The following MAPK10 variants were observed in gnomAD, a reference collection of about 807,000 sequenced individuals.
MAPK10 encodes the protein JNK3 alpha protein kinase.
A neutral mutation model predicts 59.3 loss-of-function variants in MAPK10; 25 were observed. The ratio of observed to expected loss-of-function variants is 0.42; its 90% CI spans 0.31 to 0.59. The LOEUF (loss-of-function observed/expected upper bound fraction) is 0.59, where lower values mean the gene tolerates loss of function less well. Among genes scored for constraint, MAPK10 ranks in the 20% least tolerant of loss-of-function variants. MAPK10 has a pLI of 0.15. For missense variants in MAPK10, 351 were observed against 568.9 expected, an observed-to-expected ratio of 0.62 and a Z score of 3.90; for synonymous variants, 190 against 200.5, an observed-to-expected ratio of 0.95 and a Z score of 0.44.
At chr4:86,206,252 G>C (rs1408004679) in intron 2 of MAPK10, among the ~76,000 whole-genome samples, 1 of 151,390 alleles carries the variant, frequency 6.6e-6, no homozygotes, top group East Asian at 1.9e-4. Flanking sequence ...GTGTCCGTGT[G>C]TTCGCATTGT....
At chr4:86,494,153 T>C (rs1366906507) in intron 1 of MAPK10, among the ~76,000 whole-genome samples, 2 of 152,316 alleles carry the variant, frequency 1.3e-5, no homozygotes, top group East Asian at 1.9e-4. Flanking sequence ...ATGTAGCCTA[T>C]ACCAGCTATT....
At chr4:86,500,239 C>T (rs1755206052) in intron 1 of MAPK10, among the ~76,000 whole-genome samples, 2 of 152,132 alleles carry the variant, frequency 1.3e-5, no homozygotes, top group South Asian at 4.1e-4. Flanking sequence ...TTAGGTCACA[C>T]AATAAGAATA....
intron 3 of MAPK10, among the ~76,000 whole-genome samples, chr4:86,180,148 T>G (rs1460283804): frequency 1.3e-5 from 2 of 151,374 alleles, no homozygotes; most frequent in Admixed American, 1.3e-4. Context: ...AACAACAAAA[T>G]CTGGATTATA....
At chr4:86,485,553 G>T (rs1055293653) in intron 1 of MAPK10, among the ~76,000 whole-genome samples, 3 of 152,158 alleles carry the variant, frequency 2.0e-5, no homozygotes, top group Non-Finnish European at 2.9e-5. Flanking sequence ...AGTTAAACAA[G>T]GAAGGAAATA....
intron 2 of MAPK10, among the ~76,000 whole-genome samples, chr4:86,351,054 T>C (rs567737291): frequency 1.3e-5 from 2 of 152,212 alleles, no homozygotes; most frequent in South Asian, 2.1e-4. Flanking sequence ...TTACCCTCCT[T>C]AGCAGTTGCT....
intron 1 of MAPK10, among the ~76,000 whole-genome samples, chr4:86,556,271 A>C (rs1335552575): frequency 1.3e-5 from 2 of 152,200 alleles, no homozygotes; most frequent in Non-Finnish European, 2.9e-5. Flanking sequence ...TACCCTAGTA[A>C]ATCAAATTCC....
chr4:86,292,658 G>T (rs527311686), intron 2 of MAPK10, among the ~76,000 whole-genome samples: 1 of 152,302 alleles, frequency 6.6e-6, no homozygotes, highest in Admixed American at 6.5e-5. Context: ...GTTTGAAGTT[G>T]CAGTAGCTAT....
chr4:86,185,656 T>C (rs535417842), intron 3 of MAPK10, among the ~76,000 whole-genome samples: 2 of 152,254 alleles, frequency 1.3e-5, no homozygotes, highest in Admixed American at 1.3e-4. Context: ...AAGCAAGAGA[T>C]AAGGGTATCT....
At position 86,074,427 on chromosome 4, in the gene MAPK10, T is replaced by C. The variant is rs1162875201; in HGVS notation, c.803-6472A>G. Among the ~76,000 whole-genome samples the C allele has an allele frequency of 5.9e-5, 9 of 151,488 alleles. No individual in the cohort carries two copies. The East Asian group carries it at 7.8e-4, about 13-fold the overall frequency. The stretch of plus-strand genomic sequence containing the variant: ...TAATATTGTTATGTGTGAATTTGAT[T>C]CTGTCATCATGATGTTAGCTGGTGA... On this transcript the variant is annotated intron_variant, in intron 9 of 13. Coordinates refer to ENST00000641462, the MANE Select transcript of MAPK10 (RefSeq NM_138982.4).
intron 1 of MAPK10, among the ~76,000 whole-genome samples, chr4:86,539,856 T>A (rs1565007097): frequency 6.6e-6 from 1 of 152,206 alleles, no homozygotes; most frequent in Non-Finnish European, 1.5e-5. Flanking sequence ...GTTACAATCT[T>A]AATTATAATA....
chr4:86,236,896 C>T (rs1469335840), intron 2 of MAPK10, among the ~76,000 whole-genome samples: 5 of 152,082 alleles, frequency 3.3e-5, no homozygotes, highest in African/African-American at 9.7e-5. Context: ...AAACGGGGTA[C>T]ATGTGCAGAA....
chr4:86,308,445 G>C (rs1202303501), intron 2 of MAPK10, among the ~76,000 whole-genome samples: 1 of 152,108 alleles, frequency 6.6e-6, no homozygotes, highest in African/African-American at 2.4e-5. Context: ...CTGAATTGCT[G>C]TCTTGAAGAT....
At chr4:86,333,345 C>A (rs1319437496) in intron 2 of MAPK10, among the ~76,000 whole-genome samples, 1 of 152,146 alleles carries the variant, frequency 6.6e-6, no homozygotes, top group Non-Finnish European at 1.5e-5. Context: ...CCTTTCCATG[C>A]CTTTTTTCCC....
At chr4:86,101,004 A>G in intron 8 of MAPK10, 48 bp downstream of exon 8, 1 of 1,555,286 alleles carries the variant, frequency 6.4e-7, no homozygotes, top group East Asian at 2.3e-5. Context: ...TACAACGTGC[A>G]CCCGTTTCAT....
chr4:86,419,041 C>T (rs1746184331), intron 1 of MAPK10, among the ~76,000 whole-genome samples: 1 of 152,138 alleles, frequency 6.6e-6, no homozygotes, highest in Non-Finnish European at 1.5e-5. Flanking sequence ...AAAGACTACA[C>T]ATTGGCTACA....
chr4:86,467,762 C>T (rs1237420603), intron 1 of MAPK10, among the ~76,000 whole-genome samples: 7 of 152,188 alleles, frequency 4.6e-5, no homozygotes, highest in Non-Finnish European at 7.3e-5. Flanking sequence ...TCGTGATCCG[C>T]GCACCTCGGC....
chr4:86,246,363 G>A (rs1169439657), intron 2 of MAPK10, among the ~76,000 whole-genome samples: 13 of 152,094 alleles, frequency 8.5e-5, no homozygotes, highest in East Asian at 3.9e-4. Context: ...CCCATGAGGC[G>A]GAGCTTGCAG....
chr4:86,184,879 A>G (rs2077797484), intron 3 of MAPK10, among the ~76,000 whole-genome samples: 1 of 152,172 alleles, frequency 6.6e-6, no homozygotes, highest in Non-Finnish European at 1.5e-5. Flanking sequence ...TCTTTATAGC[A>G]TCACAAGAAC....
chr4:86,410,530 C>G (rs1206406380), intron 1 of MAPK10, among the ~76,000 whole-genome samples: 1 of 152,158 alleles, frequency 6.6e-6, no homozygotes, highest in East Asian at 1.9e-4. Flanking sequence ...TCCATCTGCT[C>G]CTGGACTCTT....
Sources: gnomAD v4.1 joint callset for allele counts (sites outside exome capture counted in the v4.1 genomes callset) on GRCh38, gnomAD v4.1.1 for gene constraint, MANE v1.5 for transcripts, NCBI Gene and HGNC (gene_info 2026-07-23, HGNC 2026-07-21) for gene names.